Variants in CNTNAP2 observed in about 807,000 individuals in gnomAD.
CNTNAP2 encodes the protein contactin associated protein 2, also known as contactin-associated protein-like 2.
Under a neutral mutation model 155.2 loss-of-function variants are expected in CNTNAP2, and 98 were observed. The observed-to-expected ratio is 0.63, with a 90% confidence interval of 0.54 to 0.75. CNTNAP2 has a LOEUF of 0.75. CNTNAP2 is among the 30% of genes least tolerant of loss of function. CNTNAP2 has a pLI of 0.00. For missense variants in CNTNAP2, 1,727 were observed against 1,688.1 expected, an observed-to-expected ratio of 1.02 and a Z score of -0.40; for synonymous variants, 651 against 631.2, an observed-to-expected ratio of 1.03 and a Z score of -0.47.
intron 3 of CNTNAP2, among the ~76,000 whole-genome samples, chr7:146,970,491 C>T (rs1563025916): frequency 1.3e-5 from 2 of 152,156 alleles, no homozygotes; most frequent in African/African-American, 2.4e-5. Context: ...TAGAGAAATG[C>T]AAATCAAAAC....
At chr7:147,436,502 G>A (rs753564990) in intron 10 of CNTNAP2, among the ~76,000 whole-genome samples, 1 of 152,170 alleles carries the variant, frequency 6.6e-6, no homozygotes, top group South Asian at 2.1e-4. Flanking sequence ...AAAAGCAGAT[G>A]AGTGTGAAAA....
chr7:146,875,945 A>AAAAC, intron 3 of CNTNAP2, among the ~76,000 whole-genome samples: 2 of 144,806 alleles, frequency 1.4e-5, no homozygotes, highest in African/African-American at 5.4e-5. Context: ...AAAAAAAAAA[A>AAAAC]AAAAAAAAAA....
At chr7:146,773,307 T>C (rs1025817340) in intron 1 of CNTNAP2, among the ~76,000 whole-genome samples, 5 of 152,218 alleles carry the variant, frequency 3.3e-5, no homozygotes, top group African/African-American at 1.2e-4. Context: ...GTTGATTGGT[T>C]GAGCATGATG....
chr7:148,324,720 C>T (rs1797859711), intron 21 of CNTNAP2, among the ~76,000 whole-genome samples: 1 of 144,234 alleles, frequency 6.9e-6, no homozygotes, highest in South Asian at 2.2e-4. Flanking sequence ...ATCACTTGAA[C>T]CTGGGATGTG....
In CNTNAP2 at chr7:146,481,087, G is replaced by T. The variant is rs1350990367; in HGVS notation, c.98-293184G>T. Among the ~76,000 whole-genome samples, 8 of 151,874 alleles carry T rather than the reference G, an allele frequency of 5.3e-5. No homozygotes were observed. The East Asian group carries it at 1.5e-3, about 29-fold the overall frequency. On this transcript the variant is annotated intron_variant, in intron 1 of 23. Coordinates refer to ENST00000361727, the MANE Select transcript of CNTNAP2 (RefSeq NM_014141.6). Reference sequence around the variant, plus strand: ...CATATACTTCTCCTAACCTGAAACTGCCAGCCAGTAGTAAATGGTTTATCA... The same window carrying T: ...CATATACTTCTCCTAACCTGAAACTTCCAGCCAGTAGTAAATGGTTTATCA...
chr7:146,550,418 T>G (rs1057060947), intron 1 of CNTNAP2, among the ~76,000 whole-genome samples: 3 of 139,820 alleles, frequency 2.1e-5, no homozygotes, highest in African/African-American at 5.3e-5. Context: ...TTTTTTTTTT[T>G]TTTTTTTTTT....
intron 1 of CNTNAP2, among the ~76,000 whole-genome samples, chr7:146,734,092 T>C (rs530552132): frequency 2.6e-5 from 4 of 152,264 alleles, no homozygotes; most frequent in East Asian, 3.9e-4. Context: ...CTTGTACCTA[T>C]GATTTTGGTC....
intron 15 of CNTNAP2, among the ~76,000 whole-genome samples, chr7:147,992,816 C>T (rs1801735543): frequency 6.6e-6 from 1 of 152,214 alleles, no homozygotes. Flanking sequence ...TCTTGACTTA[C>T]TCAAGCTTTA....
At chr7:147,160,529 A>T (rs1802005440) in intron 8 of CNTNAP2, among the ~76,000 whole-genome samples, 1 of 152,078 alleles carries the variant, frequency 6.6e-6, no homozygotes, top group Non-Finnish European at 1.5e-5. Flanking sequence ...AATTAAGCAT[A>T]TGTTTATTAA....
At chr7:147,067,593 G>A (rs1170088032) in intron 4 of CNTNAP2, among the ~76,000 whole-genome samples, 2 of 152,114 alleles carry the variant, frequency 1.3e-5, no homozygotes, top group Admixed American at 1.3e-4. Context: ...CATTAATTCA[G>A]GCATCCATAA....
intron 12 of CNTNAP2, among the ~76,000 whole-genome samples, chr7:147,610,672 G>A (rs1801167213): frequency 6.6e-6 from 1 of 152,120 alleles, no homozygotes; most frequent in African/African-American, 2.4e-5. Context: ...TTTAGGGGAA[G>A]CATCTTCTAG....
intron 3 of CNTNAP2, among the ~76,000 whole-genome samples, chr7:146,961,849 G>C (rs1563022199): frequency 1.3e-5 from 2 of 152,152 alleles, no homozygotes; most frequent in Non-Finnish European, 2.9e-5. Flanking sequence ...TCTGGGGAAT[G>C]AGCTAAATTT....
intron 18 of CNTNAP2, among the ~76,000 whole-genome samples, chr7:148,182,727 A>G (rs1157601140): frequency 1.3e-5 from 2 of 152,224 alleles, no homozygotes; most frequent in Non-Finnish European, 2.9e-5. Flanking sequence ...AATCCTGAGA[A>G]AACAAATTAT....
At chr7:147,168,174 A>G (rs1802157176) in intron 8 of CNTNAP2, among the ~76,000 whole-genome samples, 1 of 149,858 alleles carries the variant, frequency 6.7e-6, no homozygotes, top group South Asian at 2.1e-4. Context: ...CATATAATAG[A>G]TATATAAATA....
chr7:146,841,181 T>G (rs186867280), intron 3 of CNTNAP2, among the ~76,000 whole-genome samples: 2 of 152,312 alleles, frequency 1.3e-5, no homozygotes, highest in East Asian at 1.9e-4. Context: ...CTTTGGGATT[T>G]TAAAGCTCCG....
At chr7:148,292,373 A>G (rs1166934836) in intron 21 of CNTNAP2, among the ~76,000 whole-genome samples, 1 of 152,210 alleles carries the variant, frequency 6.6e-6, no homozygotes, top group African/African-American at 2.4e-5. Context: ...GAAAATACCA[A>G]TTTCTGCAAG....
intron 1 of CNTNAP2, among the ~76,000 whole-genome samples, chr7:146,252,042 G>A (rs1254205255): frequency 6.6e-6 from 1 of 152,138 alleles, no homozygotes; most frequent in East Asian, 1.9e-4. Context: ...TTTGATTCCA[G>A]GAGCCCAGAG....
At chr7:146,215,693 A>G (rs1339491697) in intron 1 of CNTNAP2, among the ~76,000 whole-genome samples, 1 of 152,114 alleles carries the variant, frequency 6.6e-6, no homozygotes, top group Non-Finnish European at 1.5e-5. Flanking sequence ...GGAATGAAGT[A>G]CCTTATTACA....
intron 13 of CNTNAP2, among the ~76,000 whole-genome samples, chr7:147,761,421 A>T (rs1035604687): frequency 6.6e-6 from 1 of 152,214 alleles, no homozygotes; most frequent in East Asian, 1.9e-4. Context: ...TGTTTTGAAT[A>T]GAGTAAGGCT....
Sources: allele counts gnomAD v4.1 joint callset (sites outside exome capture counted in the v4.1 genomes callset), GRCh38; gene constraint gnomAD v4.1.1; transcripts MANE v1.5; gene names NCBI Gene and HGNC (gene_info 2026-07-23, HGNC 2026-07-21).